HECW2: variants seen among roughly 807,000 people sequenced by gnomAD.
HECW2 encodes E3 ubiquitin-protein ligase HECW2.
In HECW2, 61 loss-of-function variants were observed where a neutral mutation model predicts 175.2. That is an observed-to-expected ratio of 0.35 (90% CI 0.28 to 0.43). The LOEUF (loss-of-function observed/expected upper bound fraction) is 0.43, where lower values mean the gene tolerates loss of function less well. Among genes scored for constraint, HECW2 ranks in the 20% least tolerant of loss-of-function variants. The pLI is 1.00. For missense variants in HECW2, 1,524 were observed against 2,000.5 expected, an observed-to-expected ratio of 0.76 and a Z score of 4.54; for synonymous variants, 671 against 731.0, an observed-to-expected ratio of 0.92 and a Z score of 1.32.
chr2:196,591,937 A>G (rs1315222197), intron 1 of HECW2, among the ~76,000 whole-genome samples: 1 of 152,232 alleles, frequency 6.6e-6, no homozygotes, highest in Non-Finnish European at 1.5e-5. Flanking sequence ...CTCTTGGAAC[A>G]TACAGCCATC....
chr2:196,369,790 C>T (rs1209473145), intron 2 of HECW2, among the ~76,000 whole-genome samples: 1 of 151,900 alleles, frequency 6.6e-6, no homozygotes, highest in Non-Finnish European at 1.5e-5. Context: ...GGCATTTCTC[C>T]CTATGGCCAC....
At chr2:196,472,120 G>A (rs114945455) in intron 1 of HECW2, among the ~76,000 whole-genome samples, 151 of 152,042 alleles carry the variant, frequency 9.9e-4, no homozygotes, top group African/African-American at 3.5e-3. Flanking sequence ...CACATTTAGA[G>A]GGCGAAAAAA....
chr2:196,262,872 C>G (rs900742103), intron 17 of HECW2, among the ~76,000 whole-genome samples: 5 of 152,156 alleles, frequency 3.3e-5, no homozygotes, highest in Admixed American at 6.5e-5. Context: ...CCTCCTTTAT[C>G]TTTGTGTTCC....
At position 196,502,126 on chromosome 2, in the gene HECW2, G is replaced by GA. The variant is rs112317850; in HGVS notation, c.-35-68669dup. 4.4e-3 allele frequency among the ~76,000 whole-genome samples: 665 copies of GA among 152,214 alleles called. 2 individuals are homozygous for GA. Among genetic ancestry groups the GA allele is most frequent in the African/African-American group, 0.015 (627 of 41,544 alleles). On this transcript the variant is annotated intron_variant, in intron 1 of 28. Transcript: ENST00000644978. ...TTCAAAATAGTGCTGGTATTTATAT[G>GA]AAAAAATTGTCAAAAAATATAATAT...
intron 13 of HECW2, among the ~76,000 whole-genome samples, chr2:196,301,639 C>T (rs1432821618): frequency 6.6e-6 from 1 of 150,934 alleles, no homozygotes; most frequent in Non-Finnish European, 1.5e-5. Flanking sequence ...TAATGTTGAG[C>T]TTTTTTTCAT....
chr2:196,535,554 T>G (rs954723491), intron 1 of HECW2, among the ~76,000 whole-genome samples: 3 of 152,216 alleles, frequency 2.0e-5, no homozygotes, highest in African/African-American at 7.2e-5. Flanking sequence ...ATCCTGTAAG[T>G]GAGAATGCTG....
chr2:196,526,384 T>A (rs2125444594), intron 1 of HECW2, among the ~76,000 whole-genome samples: 1 of 145,932 alleles, frequency 6.9e-6, no homozygotes, highest in East Asian at 2.0e-4. Context: ...TTCTTCTAAA[T>A]TTTTTTCAAA....
Position 196,433,218 on chromosome 2 carries a change from G to A in HECW2, c.206C>T (p.Thr69Met), listed in dbSNP as rs781563489. The stretch of plus-strand genomic sequence containing the variant: ...AATGAGGTTCTGGGCTTGCCCCAGC[G>A]TGTACTCGTACATGCTGGCAGTTAA... ...SSLTASMYEY[T>M]LGQAQNLIIF... Residue 69 changes from threonine (T) to methionine (M), a missense_variant, in exon 2 of 29, where the codon ACG becomes ATG. Physicochemically the swap from Thr to Met is moderately conservative, Grantham distance 81. Coordinates refer to ENST00000644978, the MANE Select transcript of HECW2 (RefSeq NM_001348768.2). 3.7e-6 allele frequency: 6 copies of A among 1,613,968 alleles called. No homozygotes were observed. The highest frequency in any genetic ancestry group is 2.2e-5 in the East Asian group (1 of 44,874).
chr2:196,285,970 G>A (rs916862550), intron 14 of HECW2, among the ~76,000 whole-genome samples: 1 of 152,194 alleles, frequency 6.6e-6, no homozygotes, highest in African/African-American at 2.4e-5. Flanking sequence ...CACAATATAA[G>A]TACAACACTT....
At position 196,195,862 on chromosome 2, in the gene HECW2, C is replaced by T. The variant is rs565329376; in HGVS notation, c.*5415G>A. 1 of 152,242 alleles carries T rather than the reference C, an allele frequency of 6.6e-6. No homozygotes were observed. The highest frequency in any genetic ancestry group is 2.4e-5 in the African/African-American group (1 of 41,536). 9.4% of individuals were successfully genotyped at this position (152,242 alleles called of 1,614,324 possible). The stretch of plus-strand genomic sequence containing the variant: ...GCTTTAATACTTTGGGACTAAATTC[C>T]ACTTTGCAATACAGAAAATGTTAAA... On this transcript the variant is annotated 3_prime_UTR_variant, in exon 29 of 29. Coordinates refer to ENST00000644978, the MANE Select transcript of HECW2 (RefSeq NM_001348768.2).
At chr2:196,568,599 G>A (rs1559179913) in intron 1 of HECW2, among the ~76,000 whole-genome samples, 1 of 152,144 alleles carries the variant, frequency 6.6e-6, no homozygotes, top group Admixed American at 6.6e-5. Flanking sequence ...TGGTGTGAAA[G>A]CAACATGCAT....
chr2:196,234,206 CTA>C (rs1688157434), intron 21 of HECW2, among the ~76,000 whole-genome samples: 1 of 151,948 alleles, frequency 6.6e-6, no homozygotes, highest in South Asian at 2.1e-4. Flanking sequence ...ACGCAGGCCA[CTA>C]TTTCTTTAAT....
chr2:196,299,756 C>T (rs541690944), intron 13 of HECW2, among the ~76,000 whole-genome samples: 13 of 152,144 alleles, frequency 8.5e-5, no homozygotes, highest in Admixed American at 6.5e-4. Flanking sequence ...GGTGAAACCC[C>T]GTCTCTACTA....
chr2:196,226,002 G>T (rs954780650), intron 22 of HECW2, 132 bp from the exon 23 acceptor site: 8 of 606,484 alleles, frequency 1.3e-5, no homozygotes, highest in Non-Finnish European at 2.4e-5. Flanking sequence ...TAGGTAGTGA[G>T]AATTTGTAGG....
chr2:196,585,008 T>A (rs1342690842), intron 1 of HECW2, among the ~76,000 whole-genome samples: 1 of 152,172 alleles, frequency 6.6e-6, no homozygotes, highest in Non-Finnish European at 1.5e-5. Flanking sequence ...GACATCTAAC[T>A]CTCTAATAAA....
intron 1 of HECW2, among the ~76,000 whole-genome samples, chr2:196,469,428 A>T (rs982238067): frequency 3.3e-5 from 5 of 152,132 alleles, no homozygotes; most frequent in Admixed American, 2.0e-4. Context: ...AGGAACACCC[A>T]CGAAGTTTAG....
chr2:196,375,036 C>T (rs1260717102), intron 2 of HECW2, among the ~76,000 whole-genome samples: 1 of 151,606 alleles, frequency 6.6e-6, no homozygotes, highest in Non-Finnish European at 1.5e-5. Context: ...GTGGTGCGCA[C>T]CTGTAATCCC....
At position 196,195,101 on chromosome 2, in the gene HECW2, AT is replaced by A. The variant is rs1686644382; in HGVS notation, c.*6175del. 6.6e-6 allele frequency: 1 copy of A among 152,216 alleles called. No individual in the cohort carries two copies. Among genetic ancestry groups the A allele is most frequent in the Non-Finnish European group, 1.5e-5 (1 of 68,032 alleles). The allele number at this position is 152,216 out of a possible 1,614,324, so 9.4% of individuals were successfully genotyped here. A position where few individuals can be genotyped will look rare whatever the true frequency, so the allele number is the denominator to read the frequency against. On this transcript the variant is annotated 3_prime_UTR_variant, in exon 29 of 29. Transcript: ENST00000644978. ...AACAGCCCCAAATTTTACTTATGCTATCATATAAAGAAAAATAGGTTGTAAT... is the reference window on the plus strand; with the variant it reads ...AACAGCCCCAAATTTTACTTATGCTACATATAAAGAAAAATAGGTTGTAAT...
In HECW2 at chr2:196,318,727, C is replaced by A. The variant is rs370615474; in HGVS notation, c.2163G>T (p.Gly721=). The A allele has an allele frequency of 1.9e-6, 3 of 1,547,848 alleles. No individual in the cohort carries two copies. The highest frequency in any genetic ancestry group is 2.8e-5 in the African/African-American group (2 of 72,574). ...GGTCAGGTACAGTGGCCGATTCTGC[C>A]CCTGGCCCTTCATCCTCCCCACTGG... ...QVPSGEDEGP[G]AESATVPDQE... is the part of the protein sequence containing the mutation. Residue 721 remains glycine, a synonymous_variant, in exon 9 of 29, where the codon GGG becomes GGT. Transcript: ENST00000644978.
Sources: gnomAD v4.1 joint callset for allele counts (sites outside exome capture counted in the v4.1 genomes callset) on GRCh38, gnomAD v4.1.1 for gene constraint, MANE v1.5 for transcripts, NCBI Gene and HGNC (gene_info 2026-07-23, HGNC 2026-07-21) for gene names.